Variants in FRMD4A observed in about 807,000 individuals in gnomAD.
FRMD4A encodes FERM domain containing 4A.
In FRMD4A, 29 loss-of-function variants were observed where a neutral mutation model predicts 129.1. That is an observed-to-expected ratio of 0.22 (90% confidence interval 0.17 to 0.31). The LOEUF (loss-of-function observed/expected upper bound fraction) is 0.31. Among genes scored for constraint, FRMD4A ranks in the 10% least tolerant of loss-of-function variants. The probability of loss-of-function intolerance (pLI) is 1.00; values close to 1 mark genes in which losing one functional copy is unlikely to be tolerated. For missense variants in FRMD4A, 1,272 were observed against 1,375.8 expected (o/e 0.92, Z 1.19); for synonymous variants, 634 against 571.6 (o/e 1.11, Z -1.56).
intron 2 of FRMD4A, among the ~76,000 whole-genome samples, chr10:14,126,238 T>G (rs1838835187): frequency 1.3e-5 from 2 of 148,234 alleles, no homozygotes; most frequent in Middle Eastern, 7.4e-3. Context: ...TGGTGCGATC[T>G]TGGCTCAGTG....
At chr10:14,039,432 A>C (rs1156689399) in intron 2 of FRMD4A, among the ~76,000 whole-genome samples, 2 of 148,456 alleles carry the variant, frequency 1.3e-5, no homozygotes, top group African/African-American at 5.1e-5. Context: ...CTATCTATCT[A>C]TATTGGAACC....
At chr10:13,662,793 A>G (rs767871351) in intron 19 of FRMD4A, among the ~76,000 whole-genome samples, 1 of 151,538 alleles carries the variant, frequency 6.6e-6, no homozygotes, top group East Asian at 1.9e-4. Context: ...CGATCCTTAC[A>G]CTCTCCTAGT....
chr10:13,869,563 C>T (rs2094416311), intron 2 of FRMD4A, among the ~76,000 whole-genome samples: 1 of 152,228 alleles, frequency 6.6e-6, no homozygotes, highest in Non-Finnish European at 1.5e-5. Context: ...ATGGCATGGG[C>T]CCCAGAATTA....
chr10:14,159,058 G>A (rs2061180905), intron 2 of FRMD4A, among the ~76,000 whole-genome samples: 1 of 152,190 alleles, frequency 6.6e-6, no homozygotes, highest in Non-Finnish European at 1.5e-5. Flanking sequence ...GCCACTTAAC[G>A]AGACAAGGGA....
intron 2 of FRMD4A, among the ~76,000 whole-genome samples, chr10:13,897,987 A>G (rs923725559): frequency 1.3e-5 from 2 of 150,518 alleles, no homozygotes; most frequent in African/African-American, 4.9e-5. Flanking sequence ...ACAGCAAAGG[A>G]TCCTGGAGTT....
At chr10:14,252,094 G>A (rs1844460346) in intron 2 of FRMD4A, among the ~76,000 whole-genome samples, 1 of 152,122 alleles carries the variant, frequency 6.6e-6, no homozygotes, top group African/African-American at 2.4e-5. Context: ...AAAAACGAAT[G>A]TCCAATGCCC....
At chr10:14,083,557 CACA>C (rs1228070084) in intron 2 of FRMD4A, 1 of 152,384 alleles carries the variant, frequency 6.6e-6, no homozygotes, top group African/African-American at 2.4e-5. Flanking sequence ...AGGAAAGGCT[CACA>C]ACAGCAGCCC....
Position 13,747,738 on chromosome 10 carries a change from GT to G in FRMD4A, c.545del (p.Tyr182SerfsTer13). 6.4e-7 allele frequency: 1 copy of G among 1,561,218 alleles called. No homozygotes were observed. The highest frequency in any genetic ancestry group is 8.8e-7 in the Non-Finnish European group (1 of 1,131,958). On this transcript the variant is annotated frameshift_variant, in exon 9 of 25. Coordinates refer to ENST00000357447, the MANE Select transcript of FRMD4A (RefSeq NM_018027.5). LOFTEE classifies it high-confidence loss of function. ...QALKEHPSLA[Y>X]CEDRVIEHYK... is the part of the protein sequence containing the mutation. ...GGGGAAGACTCCAGGGGTCTTACCA[GT>G]AGGCCAGGGAAGGGTGCTCCTTCAG...
intron 5 of FRMD4A, among the ~76,000 whole-genome samples, chr10:13,785,711 T>C (rs1024676136): frequency 3.0e-4 from 46 of 152,224 alleles, no homozygotes; most frequent in Admixed American, 2.9e-3. Context: ...CATGTTGGTG[T>C]GCTGCACCTG....
intron 2 of FRMD4A, among the ~76,000 whole-genome samples, chr10:14,119,966 A>G (rs375213518): frequency 5.3e-5 from 8 of 149,842 alleles, no homozygotes; most frequent in African/African-American, 7.4e-5. Flanking sequence ...TACAAAGGAC[A>G]CTTTAGGGAG....
In FRMD4A at chr10:13,656,938, C is replaced by T. The variant is rs368369588; in HGVS notation, c.2651G>A (p.Arg884His). ...GTCGCCCTCGTCGCCGCCGCCGCCG[C>T]GCCAGCTCTCCTTGAACAGGCCGCC... ...TAGGLFKESW[R>H]GGGGDEGDTG... Residue 884 changes from arginine to histidine, a missense_variant, in exon 22 of 25, where the codon CGC becomes CAC. Physicochemically the swap from Arg to His is conservative, Grantham distance 29. Around this residue, in one of 2 missense-constraint regions of FRMD4A, gnomAD observed 972 missense variants for 892.3 expected, o/e 1.09. Transcript: ENST00000357447. 4.6e-6 allele frequency: 7 copies of T among 1,516,632 alleles called. No individual in the cohort carries two copies. The highest frequency in any genetic ancestry group is 2.9e-5 in the African/African-American group (2 of 69,554). The allele number at this position is 1,516,632 out of a possible 1,614,324, so 93.9% of individuals were successfully genotyped here. A position where few individuals can be genotyped will look rare whatever the true frequency, so the allele number is the denominator to read the frequency against.
chr10:14,226,766 A>G (rs1329986077), intron 2 of FRMD4A, among the ~76,000 whole-genome samples: 1 of 151,924 alleles, frequency 6.6e-6, no homozygotes, highest in Non-Finnish European at 1.5e-5. Flanking sequence ...GCAAGGCTCC[A>G]CCTCACGAGG....
At chr10:14,010,664 C>CGT (rs2095678728) in intron 2 of FRMD4A, among the ~76,000 whole-genome samples, 1 of 76,418 alleles carries the variant, frequency 1.3e-5, no homozygotes, top group Non-Finnish European at 2.4e-5. Context: ...GAGTTTAGGT[C>CGT]TTTTTTTTTT....
At chr10:13,989,673 G>T (rs376000278) in intron 2 of FRMD4A, among the ~76,000 whole-genome samples, 12 of 152,180 alleles carry the variant, frequency 7.9e-5, no homozygotes, top group African/African-American at 2.9e-4. Flanking sequence ...CAGCTCAGTT[G>T]TTCCAGAGAT....
At chr10:13,727,896 C>T (rs1465900935) in intron 12 of FRMD4A, 1 of 149,120 alleles carries the variant, frequency 6.7e-6, no homozygotes, top group Admixed American at 6.9e-5. Flanking sequence ...ATTTAGTGCT[C>T]GAACACTATT....
intron 2 of FRMD4A, among the ~76,000 whole-genome samples, chr10:14,108,300 G>A (rs960789382): frequency 6.6e-6 from 1 of 152,192 alleles, no homozygotes; most frequent in Non-Finnish European, 1.5e-5. Flanking sequence ...TTTATGGGTT[G>A]TATTTTGTGA....
Position 13,680,786 on chromosome 10 carries a change from C to T in FRMD4A, c.1118-5742G>A, listed in dbSNP as rs189378017. 3.8e-3 allele frequency among the ~76,000 whole-genome samples: 578 copies of T among 151,710 alleles called. 12 individuals carry two copies. The highest frequency in any genetic ancestry group is 0.014 in the Admixed American group (214 of 15,204). On this transcript the variant is annotated intron_variant, in intron 15 of 24. Transcript: ENST00000357447. ...TATAGGCTGGGCGCAGTGGCTCATA[C>T]CTGTAATACTAGCACTCTGGGAGGC...
At chr10:14,048,830 TAGA>T in intron 2 of FRMD4A, among the ~76,000 whole-genome samples, 1 of 3,032 alleles carries the variant, frequency 3.3e-4, no homozygotes, top group South Asian at 7.2e-3. Flanking sequence ...TAGATTAGAA[TAGA>T]ATAGAATAGA....
intron 2 of FRMD4A, among the ~76,000 whole-genome samples, chr10:14,058,886 C>T (rs1834672558): frequency 6.6e-6 from 1 of 152,110 alleles, no homozygotes; most frequent in Non-Finnish European, 1.5e-5. Flanking sequence ...TCTAGGTCAC[C>T]TTGATCACGC....
Sources: gnomAD v4.1 joint callset for allele counts (sites outside exome capture counted in the v4.1 genomes callset) on GRCh38, gnomAD v4.1.1 for gene constraint, gnomAD v4.1.1 regional missense constraint, MANE v1.5 for transcripts, NCBI Gene and HGNC (gene_info 2026-07-23, HGNC 2026-07-21) for gene names.